MYRIP: variants seen among roughly 807,000 people sequenced by gnomAD.
The protein encoded by MYRIP is rab effector MyRIP.
In MYRIP, 49 loss-of-function variants were observed where a neutral mutation model predicts 98.0. The observed-to-expected ratio is 0.50, with a 90% CI of 0.40 to 0.63. The LOEUF (loss-of-function observed/expected upper bound fraction) is 0.63, where lower values mean the gene tolerates loss of function less well. MYRIP is among the 30% of genes least tolerant of loss of function. MYRIP has a pLI of 0.00. For synonymous variants in MYRIP, 404 were observed against 409.5 expected (o/e 0.99, Z 0.16); for missense variants, 1,004 against 1,058.2 (o/e 0.95, Z 0.71).
intron 3 of MYRIP, among the ~76,000 whole-genome samples, chr3:40,136,914 G>T (rs1178342984): frequency 5.9e-5 from 9 of 152,138 alleles, no homozygotes; most frequent in Non-Finnish European, 8.8e-5. Context: ...AGCACTAAAT[G>T]CCCACAAGAG....
At position 40,218,625 on chromosome 3, in the gene MYRIP, TATATATATA is replaced by T. The variant is rs1559460516; in HGVS notation, c.1905+8533_1905+8541del. 7.3e-3 allele frequency among the ~76,000 whole-genome samples: 124 copies of T among 17,082 alleles called. 3 individuals are homozygous for T. Among genetic ancestry groups the T allele is most frequent in the African/African-American group, 0.011 (110 of 9,620 alleles). 11.2% of individuals were successfully genotyped at this position (17,082 alleles called of 152,430 possible). On this transcript the variant is annotated intron_variant, in intron 11 of 16. Coordinates refer to ENST00000302541, the MANE Select transcript of MYRIP (RefSeq NM_015460.4). ...TATATATATATTTTATATATATATA[TATATATATA>T]TATATATATATATATATATATACAT... is the stretch of plus-strand genomic sequence containing the variant.
intron 2 of MYRIP, among the ~76,000 whole-genome samples, chr3:39,991,250 C>G (rs968022126): frequency 6.6e-6 from 1 of 152,204 alleles, no homozygotes; most frequent in Non-Finnish European, 1.5e-5. Context: ...AACACTGCAA[C>G]CTGTTGTCAT....
At chr3:40,078,473 T>TC (rs1455547766) in intron 3 of MYRIP, among the ~76,000 whole-genome samples, 1 of 152,226 alleles carries the variant, frequency 6.6e-6, no homozygotes, top group Non-Finnish European at 1.5e-5. Flanking sequence ...CAGCACGCTG[T>TC]CACCTCTCAC....
At chr3:39,844,085 A>T (rs546752443) in intron 1 of MYRIP, among the ~76,000 whole-genome samples, 16 of 152,282 alleles carry the variant, frequency 1.1e-4, no homozygotes, top group African/African-American at 3.9e-4. Flanking sequence ...CCACATAGGC[A>T]TTCAAATAAC....
chr3:40,070,331 G>A (rs760436205), intron 3 of MYRIP, among the ~76,000 whole-genome samples: 7 of 152,126 alleles, frequency 4.6e-5, no homozygotes, highest in South Asian at 4.1e-4. Context: ...CTTAAAAAGC[G>A]TAACTCCACA....
chr3:40,222,568 C>A (rs186298621), intron 11 of MYRIP, among the ~76,000 whole-genome samples: 58 of 151,754 alleles, frequency 3.8e-4, no homozygotes, highest in African/African-American at 1.4e-3. Context: ...CCCCCTACCC[C>A]CCACCCCCTC....
At chr3:40,204,592 C>T (rs193190441) in intron 10 of MYRIP, among the ~76,000 whole-genome samples, 21 of 152,104 alleles carry the variant, frequency 1.4e-4, no homozygotes, top group Admixed American at 9.8e-4. Context: ...GTAAATCAAC[C>T]GATTCAAAGA....
At chr3:40,030,310 G>T (rs1947230961) in intron 2 of MYRIP, among the ~76,000 whole-genome samples, 1 of 152,072 alleles carries the variant, frequency 6.6e-6, no homozygotes, top group Non-Finnish European at 1.5e-5. Context: ...CACCCCCTAA[G>T]ATGGCTGTAA....
At chr3:40,234,854 T>G (rs540233961) in intron 12 of MYRIP, among the ~76,000 whole-genome samples, 2 of 151,928 alleles carry the variant, frequency 1.3e-5, no homozygotes, top group East Asian at 3.9e-4. Flanking sequence ...ATTAGCTGGG[T>G]GTCATGGCAG....
chr3:40,222,004 G>A (rs375724939), intron 11 of MYRIP, among the ~76,000 whole-genome samples: 49 of 152,284 alleles, frequency 3.2e-4, no homozygotes, highest in African/African-American at 1.1e-3. Flanking sequence ...TACAGGGCAG[G>A]TGAGCCCCAA....
chr3:39,839,283 G>A (rs1167977605), intron 1 of MYRIP, among the ~76,000 whole-genome samples: 3 of 150,908 alleles, frequency 2.0e-5, no homozygotes, highest in Non-Finnish European at 4.4e-5. Flanking sequence ...TTAAGACGGA[G>A]TCTCACTCTT....
At chr3:39,870,487 TG>T (rs1942753618) in intron 1 of MYRIP, among the ~76,000 whole-genome samples, 1 of 152,254 alleles carries the variant, frequency 6.6e-6, no homozygotes, top group Non-Finnish European at 1.5e-5. Context: ...TATTTTCTTC[TG>T]GCTATAGAAC....
At chr3:39,997,623 C>T (rs1410201360) in intron 2 of MYRIP, among the ~76,000 whole-genome samples, 1 of 152,168 alleles carries the variant, frequency 6.6e-6, no homozygotes, top group Admixed American at 6.5e-5. Flanking sequence ...GAGCTAGTAC[C>T]ATTCCTTCTG....
At chr3:40,091,095 C>A (rs1948729261) in intron 3 of MYRIP, among the ~76,000 whole-genome samples, 1 of 152,200 alleles carries the variant, frequency 6.6e-6, no homozygotes, top group African/African-American at 2.4e-5. Flanking sequence ...GCCTAAGGCC[C>A]CTTCTGTGTT....
intron 2 of MYRIP, among the ~76,000 whole-genome samples, chr3:39,972,139 T>A (rs545157511): frequency 6.6e-6 from 1 of 152,222 alleles, no homozygotes; most frequent in East Asian, 1.9e-4. Flanking sequence ...CTTTTTATAA[T>A]ATCTTATATT....
chr3:39,915,190 T>G (rs1944122944), intron 2 of MYRIP, among the ~76,000 whole-genome samples: 1 of 152,104 alleles, frequency 6.6e-6, no homozygotes, highest in Non-Finnish European at 1.5e-5. Context: ...AAAATCTGGC[T>G]CGTCCTCCAA....
chr3:39,999,523 A>C (rs998555389), intron 2 of MYRIP, among the ~76,000 whole-genome samples: 1 of 152,112 alleles, frequency 6.6e-6, no homozygotes, highest in African/African-American at 2.4e-5. Flanking sequence ...AGTCAGGAAA[A>C]AATAGGTGCT....
At chr3:39,962,117 T>C (rs149653111) in intron 2 of MYRIP, among the ~76,000 whole-genome samples, 1 of 152,256 alleles carries the variant, frequency 6.6e-6, no homozygotes, top group East Asian at 1.9e-4. Flanking sequence ...TTTTTAGCTG[T>C]ATGACCTTGA....
chr3:40,233,763 C>T, intron 11 of MYRIP, 96 bp from the exon 12 acceptor site: 1 of 1,152,626 alleles, frequency 8.7e-7, no homozygotes, highest in Non-Finnish European at 1.3e-6. Flanking sequence ...CAGAATCAAC[C>T]TCATGATGAT....
Sources: gnomAD v4.1 joint callset for allele counts (sites outside exome capture counted in the v4.1 genomes callset) on GRCh38, gnomAD v4.1.1 for gene constraint, MANE v1.5 for transcripts, NCBI Gene and HGNC (gene_info 2026-07-23, HGNC 2026-07-21) for gene names.